Variants in NAALADL2 observed in about 807,000 individuals in gnomAD.
NAALADL2 encodes N-acetylated alpha-linked acidic dipeptidase like 2.
A neutral mutation model predicts 87.2 loss-of-function variants in NAALADL2; 76 were observed. That is an observed-to-expected ratio of 0.87 (90% confidence interval 0.72 to 1.05). NAALADL2 has a LOEUF of 1.05. Among genes scored for constraint, NAALADL2 ranks in the 50% least tolerant of loss-of-function variants. NAALADL2 has a pLI of 0.00. For synonymous variants in NAALADL2, 354 were observed against 331.0 expected (o/e 1.07, Z -0.75); for missense variants, 1,089 against 945.8 (o/e 1.15, Z -1.99).
intron 10 of NAALADL2, among the ~76,000 whole-genome samples, chr3:175,607,181 T>A (rs1723873446): frequency 6.6e-6 from 1 of 152,064 alleles, no homozygotes. Context: ...ATATATTTTT[T>A]AAATTCAAGT....
At chr3:175,550,154 G>A (rs1397793152) in intron 9 of NAALADL2, among the ~76,000 whole-genome samples, 1 of 151,976 alleles carries the variant, frequency 6.6e-6, no homozygotes, top group Non-Finnish European at 1.5e-5. Context: ...TTATTGAGGG[G>A]GAAGTTAACA....
intron 2 of NAALADL2, among the ~76,000 whole-genome samples, chr3:175,206,263 T>TATATATATATATATATATA (rs1553812240): frequency 2.6e-5 from 2 of 75,714 alleles, no homozygotes; most frequent in African/African-American, 1.2e-4. Flanking sequence ...TATATATATA[T>TATATATATATATATATATA]TTTTTTTTTT....
At chr3:175,329,841 T>G (rs1761187625) in intron 5 of NAALADL2, among the ~76,000 whole-genome samples, 1 of 152,182 alleles carries the variant, frequency 6.6e-6, no homozygotes, top group Admixed American at 6.5e-5. Context: ...AAACTGCTCC[T>G]TTCAAAAATC....
chr3:174,717,099 A>T (rs544840339), intron 2 of NAALADL2, among the ~76,000 whole-genome samples: 1 of 152,318 alleles, frequency 6.6e-6, no homozygotes, highest in East Asian at 1.9e-4. Context: ...ATGTTCTGAA[A>T]ACCTAGACTG....
At chr3:175,414,622 C>T (rs1714242227) in intron 5 of NAALADL2, among the ~76,000 whole-genome samples, 2 of 152,092 alleles carry the variant, frequency 1.3e-5, no homozygotes, top group Admixed American at 6.6e-5. Flanking sequence ...AATGTTAGTG[C>T]CAGTCTCAGT....
chr3:175,098,239 C>A (rs913571735), intron 2 of NAALADL2, among the ~76,000 whole-genome samples: 6 of 152,098 alleles, frequency 3.9e-5, no homozygotes, highest in Non-Finnish European at 7.3e-5. Context: ...TTTCATGATA[C>A]TTCCCAATGT....
intron 5 of NAALADL2, among the ~76,000 whole-genome samples, chr3:175,397,971 T>A (rs1027482907): frequency 2.1e-4 from 32 of 152,284 alleles, no homozygotes; most frequent in Middle Eastern, 3.4e-3. Flanking sequence ...TAGTCTTATC[T>A]CTTGATTTAC....
At chr3:174,996,411 GGCATGAACTGGGGAGGCTGAGCTT>G (rs1489323729) in intron 1 of NAALADL2, among the ~76,000 whole-genome samples, 1 of 151,758 alleles carries the variant, frequency 6.6e-6, no homozygotes, top group Admixed American at 6.6e-5. Flanking sequence ...GCAGGAGAAT[GGCATGAACTGGGGAGGCTGAGCTT>G]GCAGTGAGCC....
intron 2 of NAALADL2, among the ~76,000 whole-genome samples, chr3:175,211,147 G>A (rs1179875097): frequency 6.6e-6 from 1 of 151,860 alleles, no homozygotes; most frequent in Non-Finnish European, 1.5e-5. Context: ...CTTTTGGGAT[G>A]AGAGAAGGTG....
At chr3:174,789,485 C>A (rs368619934) in intron 3 of NAALADL2, among the ~76,000 whole-genome samples, 28 of 152,294 alleles carry the variant, frequency 1.8e-4, no homozygotes, top group African/African-American at 6.5e-4. Context: ...GGAACTACAT[C>A]TGTGGCTCTC....
intron 1 of NAALADL2, among the ~76,000 whole-genome samples, chr3:175,016,314 A>G (rs1212855835): frequency 6.7e-6 from 1 of 149,894 alleles, no homozygotes; most frequent in Non-Finnish European, 1.5e-5. Context: ...AATGTAGTAT[A>G]TCCATATATG....
intron 11 of NAALADL2, among the ~76,000 whole-genome samples, chr3:175,720,548 G>C (rs1230852391): frequency 6.6e-6 from 1 of 151,958 alleles, no homozygotes; most frequent in East Asian, 1.9e-4. Context: ...TGCAGTATTT[G>C]AAGACATAAT....
intron 9 of NAALADL2, among the ~76,000 whole-genome samples, chr3:175,494,066 G>A (rs1039483446): frequency 6.6e-6 from 1 of 150,814 alleles, no homozygotes; most frequent in East Asian, 1.9e-4. Context: ...AGAGAAACAT[G>A]CAAAAAATAT....
chr3:175,509,612 C>T (rs1730849193), intron 9 of NAALADL2, among the ~76,000 whole-genome samples: 1 of 152,074 alleles, frequency 6.6e-6, no homozygotes, highest in Non-Finnish European at 1.5e-5. Context: ...AGCATTGGCT[C>T]TTTTTGTGTC....
At chr3:174,801,440 C>T (rs187089444) in intron 3 of NAALADL2, among the ~76,000 whole-genome samples, 23 of 152,286 alleles carry the variant, frequency 1.5e-4, no homozygotes, top group African/African-American at 4.1e-4. Flanking sequence ...TCTCCAGCAA[C>T]GTGGAACTGT....
At chr3:175,520,412 C>A (rs987874834) in intron 9 of NAALADL2, among the ~76,000 whole-genome samples, 6 of 151,146 alleles carry the variant, frequency 4.0e-5, no homozygotes, top group African/African-American at 1.5e-4. Context: ...CATTCTCCTG[C>A]CTCAGCCTCC....
intron 2 of NAALADL2, among the ~76,000 whole-genome samples, chr3:174,674,909 G>A (rs1040034706): frequency 3.3e-4 from 50 of 151,978 alleles, no homozygotes; most frequent in African/African-American, 1.1e-3. Context: ...AAAATTGAGT[G>A]TTCTCAAATT....
At chr3:174,977,661 C>G (rs1280691691) in intron 1 of NAALADL2, among the ~76,000 whole-genome samples, 2 of 152,134 alleles carry the variant, frequency 1.3e-5, no homozygotes, top group African/African-American at 2.4e-5. Flanking sequence ...AGCTTTCTTC[C>G]TTCCATACCA....
intron 11 of NAALADL2, among the ~76,000 whole-genome samples, chr3:175,692,118 G>A (rs1737128485): frequency 6.6e-6 from 1 of 151,870 alleles, no homozygotes; most frequent in Non-Finnish European, 1.5e-5. Context: ...TGAAAATGAT[G>A]TTTGTAGGTT....
Sources: gnomAD v4.1 joint callset for allele counts (sites outside exome capture counted in the v4.1 genomes callset) on GRCh38, gnomAD v4.1.1 for gene constraint, MANE v1.5 for transcripts, NCBI Gene and HGNC (gene_info 2026-07-23, HGNC 2026-07-21) for gene names.